Variants in ITIH5 observed in about 807,000 individuals in gnomAD.
ITIH5 encodes the protein inter-alpha-trypsin inhibitor heavy chain H5.
A neutral mutation model predicts 77.5 loss-of-function variants in ITIH5; 65 were observed. That is an observed-to-expected ratio of 0.84 (90% confidence interval 0.69 to 1.03). The LOEUF (loss-of-function observed/expected upper bound fraction) is 1.03. ITIH5 is among the 50% of genes least tolerant of loss of function. The probability of loss-of-function intolerance (pLI) is 0.00; values close to 1 mark genes in which losing one functional copy is unlikely to be tolerated. For missense variants in ITIH5, 1,208 were observed against 1,213.1 expected (o/e 1.00, Z 0.06); for synonymous variants, 525 against 494.3 (o/e 1.06, Z -0.82).
At chr10:7,582,235 G>A (rs894632167) in intron 8 of ITIH5, among the ~76,000 whole-genome samples, 1 of 152,154 alleles carries the variant, frequency 6.6e-6, no homozygotes, top group African/African-American at 2.4e-5. Flanking sequence ...AAGTTTGGGA[G>A]CAAAATAAAT....
intron 7 of ITIH5, among the ~76,000 whole-genome samples, chr10:7,605,470 T>C (rs994252548): frequency 8.6e-5 from 13 of 151,942 alleles, no homozygotes; most frequent in African/African-American, 3.1e-4. Context: ...CTTTCTCTTC[T>C]TCTCTGAGCT....
chr10:7,649,298 C>T (rs1439254102), intron 2 of ITIH5, among the ~76,000 whole-genome samples: 1 of 151,444 alleles, frequency 6.6e-6, no homozygotes, highest in Non-Finnish European at 1.5e-5. Flanking sequence ...CTTCTTCCTT[C>T]TTCTTCTTTC....
At chr10:7,566,479 A>G in intron 12 of ITIH5, 72 bp from the exon 13 acceptor site, 2 of 1,454,552 alleles carry the variant, frequency 1.4e-6, no homozygotes, top group South Asian at 2.6e-5. Flanking sequence ...CTGTAATCCC[A>G]GCACTTAGAA....
chr10:7,644,612 TCA>T lies in ITIH5; in HGVS notation c.136-2524_136-2523del, dbSNP rs1157216054. Among the ~76,000 whole-genome samples the T allele has an allele frequency of 1.9e-4, 21 of 111,932 alleles. 1 individual carries two copies. Among genetic ancestry groups the T allele is most frequent in the African/African-American group, 6.3e-4 (20 of 31,574 alleles). 73.4% of individuals were successfully genotyped at this position (111,932 alleles called of 152,430 possible). A position where few individuals can be genotyped will look rare whatever the true frequency, so the allele number is the denominator to read the frequency against. On this transcript the variant is annotated intron_variant, in intron 2 of 13. Coordinates refer to ENST00000397146, the MANE Select transcript of ITIH5 (RefSeq NM_030569.7). Reference sequence around the variant, plus strand: ...ATATATATCATACATATCACATATATCACATATATATCACATATATCACATAT... The same window carrying T: ...ATATATATCATACATATCACATATATCATATATATCACATATATCACATAT...
chr10:7,643,532 C>T (rs888181781), intron 2 of ITIH5, among the ~76,000 whole-genome samples: 12 of 152,186 alleles, frequency 7.9e-5, no homozygotes, highest in Admixed American at 5.9e-4. Context: ...TCTGCAGACA[C>T]GTCCTGCTCA....
chr10:7,637,530 C>T, intron 4 of ITIH5, 52 bp from the exon 5 acceptor site: 1 of 1,569,312 alleles, frequency 6.4e-7, no homozygotes, highest in South Asian at 1.2e-5. Context: ...AGGATAGAGC[C>T]AGGTTCCCTC....
intron 1 of ITIH5, among the ~76,000 whole-genome samples, chr10:7,657,271 T>C (rs975560950): frequency 2.7e-5 from 4 of 148,756 alleles, no homozygotes; most frequent in Non-Finnish European, 6.0e-5. Context: ...ATGGTCTGGA[T>C]CTCCTGACCT....
At chr10:7,653,292 T>C (rs1283873536) in intron 2 of ITIH5, among the ~76,000 whole-genome samples, 1 of 152,160 alleles carries the variant, frequency 6.6e-6, no homozygotes, top group Non-Finnish European at 1.5e-5. Flanking sequence ...CTGCAACCTA[T>C]GCCTCCTGGG....
chr10:7,614,247 G>C (rs933066922), intron 7 of ITIH5, among the ~76,000 whole-genome samples: 11 of 152,184 alleles, frequency 7.2e-5, no homozygotes, highest in African/African-American at 2.7e-4. Context: ...CAAAAATGGA[G>C]CAGTTGGCAG....
At chr10:7,643,310 C>T (rs986242286) in intron 2 of ITIH5, among the ~76,000 whole-genome samples, 1 of 152,150 alleles carries the variant, frequency 6.6e-6, no homozygotes, top group African/African-American at 2.4e-5. Context: ...TATGGAAGCC[C>T]GAGCAAGCTA....
rs779043935 is a variant in ITIH5, at chr10:7,573,177, G to A, written c.1997C>T (p.Pro666Leu). 38 of 1,613,448 alleles carry A rather than the reference G, an allele frequency of 2.4e-5. No homozygotes were observed. In the Admixed American group the frequency reaches 6.0e-4, roughly 25 times the overall value. Residue 666 changes from proline to leucine, a missense_variant, in exon 11 of 14, where the codon CCA (proline) becomes CTA (leucine). Coordinates refer to ENST00000397146, the MANE Select transcript of ITIH5 (RefSeq NM_030569.7). ...AGAGATTTTAATTCTTGGCTGGTAT[G>A]GCTTCTTGAGCAAAGGTCCTAAAAG... ...GTQPGPLLKKPYQPRIKISKT... is the reference protein window; with the variant it reads ...GTQPGPLLKKLYQPRIKISKT...
intron 5 of ITIH5, among the ~76,000 whole-genome samples, chr10:7,623,931 A>G (rs1423963065): frequency 6.6e-6 from 1 of 152,156 alleles, no homozygotes; most frequent in Non-Finnish European, 1.5e-5. Flanking sequence ...ACAGCATCAT[A>G]TAGATATGAT....
intron 7 of ITIH5, among the ~76,000 whole-genome samples, chr10:7,608,856 A>C (rs1032670350): frequency 2.6e-5 from 4 of 152,238 alleles, no homozygotes; most frequent in Non-Finnish European, 5.9e-5. Flanking sequence ...ATCAAAGCAG[A>C]ACAGCTTCGT....
At position 7,576,519 on chromosome 10, in the gene ITIH5, C is replaced by CGT. The variant is rs1278039327; in HGVS notation, c.1910_1911dup (p.Gly638ThrfsTer54). ...TCGGGTCCCATGGCAGCCGACATGC[C>CGT]GTGGGCCTCCTCCAGGCCATCCATG... On this transcript the variant is annotated frameshift_variant, in exon 10 of 14. Coordinates refer to ENST00000397146, the MANE Select transcript of ITIH5 (RefSeq NM_030569.7). LOFTEE classifies it high-confidence loss of function. The CGT allele has an allele frequency of 6.2e-7, 1 of 1,611,986 alleles. No individual in the cohort carries two copies. Among genetic ancestry groups the CGT allele is most frequent in the Non-Finnish European group, 8.5e-7 (1 of 1,179,970 alleles).
intron 7 of ITIH5, among the ~76,000 whole-genome samples, chr10:7,587,835 C>T (rs889870038): frequency 6.6e-6 from 1 of 152,152 alleles, no homozygotes; most frequent in African/African-American, 2.4e-5. Context: ...CGCTGTAGGT[C>T]TCTTCCCCGG....
chr10:7,651,815 C>T (rs1273806222), intron 2 of ITIH5, among the ~76,000 whole-genome samples: 1 of 152,136 alleles, frequency 6.6e-6, no homozygotes, highest in Non-Finnish European at 1.5e-5. Context: ...GAGACACACA[C>T]TGTCCTCTGC....
intron 2 of ITIH5, among the ~76,000 whole-genome samples, chr10:7,653,896 T>C (rs528679155): frequency 1.3e-5 from 2 of 152,272 alleles, no homozygotes; most frequent in African/African-American, 4.8e-5. Flanking sequence ...GGCTCACGCC[T>C]GTAATCCCAA....
chr10:7,638,349 T>C (rs774726480), intron 4 of ITIH5, among the ~76,000 whole-genome samples: 16 of 152,100 alleles, frequency 1.1e-4, no homozygotes, highest in Non-Finnish European at 1.6e-4. Context: ...ACATAAGTAT[T>C]GAAATGGAAA....
intron 5 of ITIH5, among the ~76,000 whole-genome samples, chr10:7,625,633 C>T (rs1346792569): frequency 6.6e-6 from 1 of 151,814 alleles, no homozygotes. Context: ...GGCCTGGTGG[C>T]GTGAGCTTGT....
Sources: allele counts gnomAD v4.1 joint callset (sites outside exome capture counted in the v4.1 genomes callset), GRCh38; gene constraint gnomAD v4.1.1; transcripts MANE v1.5; gene names NCBI Gene and HGNC (gene_info 2026-07-23, HGNC 2026-07-21).